The following NIBAN1 variants were observed in gnomAD, a reference collection of about 807,000 sequenced individuals.
NIBAN1 encodes niban apoptosis regulator 1.
Under a neutral mutation model 75.1 loss-of-function variants are expected in NIBAN1, and 81 were observed. That is an observed-to-expected ratio of 1.08 (90% CI 0.90 to 1.30). NIBAN1 has a LOEUF of 1.30. Among genes scored for constraint, NIBAN1 ranks in the 50% most tolerant of loss-of-function variants. The probability of loss-of-function intolerance (pLI) is 0.00; values close to 1 mark genes in which losing one functional copy is unlikely to be tolerated. For missense variants in NIBAN1, 1,133 were observed against 1,128.1 expected (o/e 1.00, Z -0.06); for synonymous variants, 436 against 424.8 (o/e 1.03, Z -0.32).
intron 2 of NIBAN1, among the ~76,000 whole-genome samples, chr1:184,897,292 G>A (rs1020220358): frequency 7.3e-4 from 110 of 151,246 alleles, no homozygotes; most frequent in African/African-American, 2.6e-3. Context: ...GTGTGTGTGT[G>A]TGTGTGTGTG....
intron 1 of NIBAN1, among the ~76,000 whole-genome samples, chr1:184,901,090 A>G (rs1208243453): frequency 6.6e-6 from 1 of 152,164 alleles, no homozygotes; most frequent in Non-Finnish European, 1.5e-5. Context: ...ATAGAACCAT[A>G]GCCAAAAACA....
chr1:184,828,853 G>GC (rs1654917876), intron 6 of NIBAN1, among the ~76,000 whole-genome samples: 1 of 151,276 alleles, frequency 6.6e-6, no homozygotes. Context: ...GCCCAGTGTA[G>GC]TGGCACAATC....
At chr1:184,969,906 C>T (rs558567591) in intron 1 of NIBAN1, among the ~76,000 whole-genome samples, 1 of 152,068 alleles carries the variant, frequency 6.6e-6, no homozygotes, top group South Asian at 2.1e-4. Flanking sequence ...AGGCTCATGC[C>T]TGTAATCCCA....
At position 184,796,051 on chromosome 1, in the gene NIBAN1, A is replaced by G; in HGVS notation, c.1713T>C (p.Asp571=). 1.3e-6 allele frequency: 2 copies of G among 1,582,932 alleles called. No individual in the cohort carries two copies. Among genetic ancestry groups the G allele is most frequent in the Non-Finnish European group, 1.7e-6 (2 of 1,167,420 alleles). ...CACTTTCACTGGGCAAGGCCATGTT[A>G]TCTTCAAATAAGTTGTGTTTCTTCA... is the stretch of plus-strand genomic sequence containing the variant. ...AILKKHNLFE[D]NMALPSESVS... is the part of the protein sequence containing the mutation. Residue 571 remains aspartate, a synonymous_variant, in exon 14 of 14, where the codon GAT becomes GAC. Coordinates refer to ENST00000367511, the MANE Select transcript of NIBAN1 (RefSeq NM_052966.4).
At chr1:184,832,227 C>T (rs1433522659) in intron 5 of NIBAN1, among the ~76,000 whole-genome samples, 1 of 152,094 alleles carries the variant, frequency 6.6e-6, no homozygotes, top group African/African-American at 2.4e-5. Flanking sequence ...TCTCCTTTAC[C>T]CTCTCTTATA....
chr1:184,948,600 T>G (rs891597184), intron 1 of NIBAN1, among the ~76,000 whole-genome samples: 1 of 152,154 alleles, frequency 6.6e-6, no homozygotes, highest in Admixed American at 6.5e-5. Flanking sequence ...TTTATAATAA[T>G]GAAAATTTTA....
chr1:184,961,508 G>C (rs1332846689), intron 1 of NIBAN1, among the ~76,000 whole-genome samples: 1 of 152,164 alleles, frequency 6.6e-6, no homozygotes, highest in African/African-American at 2.4e-5. Context: ...TCTCAGTGCT[G>C]TTTTTAATCC....
chr1:184,842,326 T>A (rs1655308928), intron 5 of NIBAN1, among the ~76,000 whole-genome samples: 2 of 152,196 alleles, frequency 1.3e-5, no homozygotes, highest in Admixed American at 6.5e-5. Context: ...TCTGATTCAA[T>A]AGGTCTGGGG....
intron 1 of NIBAN1, among the ~76,000 whole-genome samples, chr1:184,960,128 T>G (rs368860087): frequency 1.9e-4 from 29 of 152,330 alleles, no homozygotes; most frequent in South Asian, 1.0e-3. Flanking sequence ...TAAGCAACTA[T>G]GGCAAATGTG....
At chr1:184,955,938 C>A (rs546588542) in intron 1 of NIBAN1, among the ~76,000 whole-genome samples, 21 of 152,232 alleles carry the variant, frequency 1.4e-4, no homozygotes, top group African/African-American at 5.1e-4. Flanking sequence ...CCCTTATCTG[C>A]AGATGTATGC....
intron 1 of NIBAN1, among the ~76,000 whole-genome samples, chr1:184,946,590 A>G (rs1006639887): frequency 1.3e-4 from 20 of 152,380 alleles, no homozygotes; most frequent in African/African-American, 4.3e-4. Flanking sequence ...AAATTTCATG[A>G]TAAAAAATTA....
intron 1 of NIBAN1, among the ~76,000 whole-genome samples, chr1:184,918,043 G>A (rs549323215): frequency 3.0e-4 from 45 of 152,144 alleles, no homozygotes; most frequent in Admixed American, 4.6e-4. Context: ...GATCCCTGCC[G>A]CATATTTCCA....
intron 8 of NIBAN1, among the ~76,000 whole-genome samples, chr1:184,820,737 A>G (rs1255726424): frequency 6.6e-6 from 1 of 152,266 alleles, no homozygotes; most frequent in African/African-American, 2.4e-5. Flanking sequence ...CTGGGTTTGG[A>G]GCCCGACTCT....
intron 4 of NIBAN1, among the ~76,000 whole-genome samples, chr1:184,885,929 G>T (rs896491477): frequency 1.1e-4 from 16 of 151,860 alleles, no homozygotes; most frequent in African/African-American, 3.4e-4. Context: ...CACCTTTATT[G>T]GTTCCTCTGC....
At chr1:184,937,145 CTTTTTTTTTTTTTT>C (rs138240427) in intron 1 of NIBAN1, among the ~76,000 whole-genome samples, 1 of 92,128 alleles carries the variant, frequency 1.1e-5, no homozygotes, top group African/African-American at 4.3e-5. Flanking sequence ...TAGCTGGATT[CTTTTTTTTTTTTTT>C]TTTTTTTTTG....
intron 1 of NIBAN1, 135 bp downstream of exon 1, chr1:184,974,167 G>C (rs779897050): frequency 2.3e-5 from 21 of 919,070 alleles, no homozygotes; most frequent in Admixed American, 4.4e-5. Flanking sequence ...CGACTCGCGC[G>C]GGCGGGCTGC....
intron 1 of NIBAN1, among the ~76,000 whole-genome samples, chr1:184,955,967 C>T (rs1266140530): frequency 1.3e-5 from 2 of 151,900 alleles, no homozygotes; most frequent in Non-Finnish European, 2.9e-5. Context: ...CACTTAGTGT[C>T]TTTGTGGCCC....
chr1:184,932,379 G>A (rs927171536), intron 1 of NIBAN1, among the ~76,000 whole-genome samples: 1 of 152,162 alleles, frequency 6.6e-6, no homozygotes, highest in African/African-American at 2.4e-5. Context: ...ATGATAGATT[G>A]TCAGACATTA....
intron 5 of NIBAN1, among the ~76,000 whole-genome samples, chr1:184,871,919 G>A (rs1214268401): frequency 6.6e-6 from 1 of 152,108 alleles, no homozygotes; most frequent in African/African-American, 2.4e-5. Context: ...ATGCACATTA[G>A]CTACATGGTC....
Sources: allele counts gnomAD v4.1 joint callset (sites outside exome capture counted in the v4.1 genomes callset), GRCh38; gene constraint gnomAD v4.1.1; transcripts MANE v1.5; gene names NCBI Gene and HGNC (gene_info 2026-07-23, HGNC 2026-07-21).